The following TMEM41B variants were observed in gnomAD, a reference collection of about 807,000 sequenced individuals.
TMEM41B encodes protein stasimon.
A neutral mutation model predicts 31.9 loss-of-function variants in TMEM41B; 18 were observed. That is an observed-to-expected ratio of 0.56 (90% CI 0.39 to 0.84). The LOEUF (loss-of-function observed/expected upper bound fraction) is 0.84. Among genes scored for constraint, TMEM41B ranks in the 40% least tolerant of loss-of-function variants. The probability of loss-of-function intolerance (pLI) is 0.00; values close to 1 mark genes in which losing one functional copy is unlikely to be tolerated. For missense variants in TMEM41B, 322 were observed against 348.0 expected (o/e 0.93, Z 0.59); for synonymous variants, 144 against 124.3 (o/e 1.16, Z -1.05).
chr11:9,310,035 A>AT (rs1564969204), intron 1 of TMEM41B, among the ~76,000 whole-genome samples: 2 of 150,328 alleles, frequency 1.3e-5, no homozygotes, highest in African/African-American at 4.9e-5. Context: ...ATGTATTATT[A>AT]TTATTATTAT....
chr11:9,286,486 T>C lies in TMEM41B; in HGVS notation c.675A>G (p.Pro225=). ...AAGTACCAATAAAAAAAACTTTCAA[T>C]GGCACGTTTATCACAGGAGATGTGA... ...INITSPVINV[P]LKVFFIGTFL... The change falls in exon 6 of 7, where the codon CCA becomes CCG. Residue 225 remains proline (P), a synonymous_variant. Coordinates refer to ENST00000528080, the MANE Select transcript of TMEM41B (RefSeq NM_015012.4). The C allele has an allele frequency of 6.2e-7, 1 of 1,611,350 alleles. No homozygotes were observed. The highest frequency in any genetic ancestry group is 8.5e-7 in the Non-Finnish European group (1 of 1,179,308).
intron 6 of TMEM41B, among the ~76,000 whole-genome samples, chr11:9,284,195 A>T (rs1468661024): frequency 6.6e-6 from 1 of 151,136 alleles, no homozygotes; most frequent in Non-Finnish European, 1.5e-5. Flanking sequence ...CACAGGCTTG[A>T]GTGCAGTGGT....
At chr11:9,305,148 T>C (rs543741621) in intron 1 of TMEM41B, among the ~76,000 whole-genome samples, 7 of 152,260 alleles carry the variant, frequency 4.6e-5, no homozygotes, top group African/African-American at 1.4e-4. Flanking sequence ...TATTTTTCTA[T>C]ATATTTTTAT....
At chr11:9,299,110 G>T (rs935882744) in intron 2 of TMEM41B, among the ~76,000 whole-genome samples, 3 of 151,028 alleles carry the variant, frequency 2.0e-5, no homozygotes, top group African/African-American at 7.3e-5. Context: ...GTGAAACCCC[G>T]TCTCTACTAA....
At chr11:9,299,345 CGTGTGTGTATATAAATATATTA>C (rs1853187689) in intron 2 of TMEM41B, among the ~76,000 whole-genome samples, 1 of 144,098 alleles carries the variant, frequency 6.9e-6, no homozygotes, top group Non-Finnish European at 1.5e-5. Flanking sequence ...CACACACACA[CGTGTGTGTATATAAATATATTA>C]AATATACATA....
At chr11:9,293,288 A>T (rs1201057513) in intron 3 of TMEM41B, among the ~76,000 whole-genome samples, 1 of 152,142 alleles carries the variant, frequency 6.6e-6, no homozygotes, top group Admixed American at 6.6e-5. Flanking sequence ...TTTCTCGTAG[A>T]AACTGGGTCT....
intron 3 of TMEM41B, among the ~76,000 whole-genome samples, chr11:9,289,403 A>G (rs556363545): frequency 6.6e-6 from 1 of 152,222 alleles, no homozygotes; most frequent in East Asian, 1.9e-4. Flanking sequence ...TCACAAGTCA[A>G]AGTGAATTCC....
At chr11:9,313,848 G>C (rs992696533) in intron 1 of TMEM41B, among the ~76,000 whole-genome samples, 1 of 152,098 alleles carries the variant, frequency 6.6e-6, no homozygotes, top group African/African-American at 2.4e-5. Flanking sequence ...CAAGTAAACA[G>C]TAGGGCAGGG....
At chr11:9,300,911 T>C (rs979164132) in intron 1 of TMEM41B, among the ~76,000 whole-genome samples, 3 of 151,734 alleles carry the variant, frequency 2.0e-5, no homozygotes, top group African/African-American at 7.3e-5. Context: ...AATAAAAGTA[T>C]GGAATGAGAT....
intron 2 of TMEM41B, among the ~76,000 whole-genome samples, chr11:9,299,325 T>TACATACACACACACACACACACACACAC (rs1554943934): frequency 8.1e-6 from 1 of 123,144 alleles, no homozygotes. Context: ...TATACATACA[T>TACATACACACACACACACACACACACAC]ACACACACAC....
chr11:9,297,091 T>A (rs1853112817), intron 2 of TMEM41B, among the ~76,000 whole-genome samples: 1 of 151,898 alleles, frequency 6.6e-6, no homozygotes, highest in South Asian at 2.1e-4. Flanking sequence ...CTCTGCTAGT[T>A]GTTGTTTTTT....
At chr11:9,284,365 G>T (rs559397334) in intron 6 of TMEM41B, among the ~76,000 whole-genome samples, 48 of 150,224 alleles carry the variant, frequency 3.2e-4, no homozygotes, top group Non-Finnish European at 5.8e-4. Context: ...GCCCAGGCTG[G>T]TCTCTGTAAC....
At chr11:9,301,552 A>G (rs1797950757) in intron 1 of TMEM41B, among the ~76,000 whole-genome samples, 1 of 152,132 alleles carries the variant, frequency 6.6e-6, no homozygotes, top group Admixed American at 6.6e-5. Context: ...GACAGCTGTC[A>G]TTGCTGCTCT....
At chr11:9,286,029 C>A (rs1320737556) in intron 6 of TMEM41B, among the ~76,000 whole-genome samples, 1 of 152,054 alleles carries the variant, frequency 6.6e-6, no homozygotes, top group Non-Finnish European at 1.5e-5. Flanking sequence ...GCAGGAGAAT[C>A]GCTTGAACCC....
chr11:9,298,129 A>C (rs959470322), intron 2 of TMEM41B, among the ~76,000 whole-genome samples: 1 of 151,640 alleles, frequency 6.6e-6, no homozygotes, highest in African/African-American at 2.4e-5. Flanking sequence ...GATACCCAGT[A>C]AACTAAAGGT....
intron 1 of TMEM41B, among the ~76,000 whole-genome samples, chr11:9,310,942 A>T (rs1853545824): frequency 6.6e-6 from 1 of 152,036 alleles, no homozygotes; most frequent in Admixed American, 6.6e-5. Context: ...AATTTCCACA[A>T]TCCTCCCCAA....
At chr11:9,290,748 A>C (rs563599530) in intron 3 of TMEM41B, among the ~76,000 whole-genome samples, 42 of 152,266 alleles carry the variant, frequency 2.8e-4, no homozygotes, top group African/African-American at 9.4e-4. Flanking sequence ...ACTTCTCTGA[A>C]AAGGAAACCT....
intron 1 of TMEM41B, among the ~76,000 whole-genome samples, chr11:9,304,947 C>T (rs1001784781): frequency 5.3e-5 from 8 of 152,002 alleles, no homozygotes; most frequent in African/African-American, 1.9e-4. Flanking sequence ...TGAGCCACCA[C>T]GCCCAGCAAT....
At chr11:9,288,660 A>G in intron 3 of TMEM41B, 125 bp from the exon 4 acceptor site, 1 of 656,974 alleles carries the variant, frequency 1.5e-6, no homozygotes, top group Non-Finnish European at 2.5e-6. Flanking sequence ...CCAAAGGTCT[A>G]GCCTCTAAGT....
Sources: gnomAD v4.1 joint callset for allele counts (sites outside exome capture counted in the v4.1 genomes callset) on GRCh38, gnomAD v4.1.1 for gene constraint, MANE v1.5 for transcripts, NCBI Gene and HGNC (gene_info 2026-07-23, HGNC 2026-07-21) for gene names.